HECA: variants seen among roughly 807,000 people sequenced by gnomAD.
HECA encodes headcase protein homolog.
HECA carries 13 observed loss-of-function variants against 37.6 expected under a neutral mutation model. The ratio of observed to expected loss-of-function variants is 0.35; its 90% CI spans 0.23 to 0.55. The LOEUF is 0.55. Ranked by LOEUF, HECA falls within the 20% of genes least tolerant of loss-of-function variation. The pLI is 0.90. For synonymous variants in HECA, 307 were observed against 291.5 expected (o/e 1.05, Z -0.54); for missense variants, 527 against 701.9 (o/e 0.75, Z 2.82).
chr6:139,145,222 A>G (rs1016984569), intron 1 of HECA, among the ~76,000 whole-genome samples: 18 of 152,268 alleles, frequency 1.2e-4, no homozygotes, highest in African/African-American at 4.3e-4. Flanking sequence ...GTGGTTAGCG[A>G]AATAGCAACT....
chr6:139,172,076 C>T (rs71560696), intron 2 of HECA, among the ~76,000 whole-genome samples: 4,501 of 152,228 alleles, frequency 0.03, 118 homozygotes, highest in Non-Finnish European at 0.043. Flanking sequence ...GGTGATCTAC[C>T]CGCCTTGGCC....
chr6:139,147,104 A>G (rs969941034), intron 1 of HECA, among the ~76,000 whole-genome samples: 2 of 152,192 alleles, frequency 1.3e-5, no homozygotes, highest in Non-Finnish European at 2.9e-5. Flanking sequence ...ACTAAGCTTC[A>G]GAGATGGCCT....
chr6:139,152,004 C>G (rs941765183), intron 1 of HECA, among the ~76,000 whole-genome samples: 1 of 152,196 alleles, frequency 6.6e-6, no homozygotes, highest in African/African-American at 2.4e-5. Context: ...TATGTGGAAT[C>G]TGGACTAAAG....
At chr6:139,171,405 A>G (rs1405341932) in intron 2 of HECA, among the ~76,000 whole-genome samples, 2 of 152,230 alleles carry the variant, frequency 1.3e-5, no homozygotes, top group Non-Finnish European at 2.9e-5. Context: ...TGTGCCCACA[A>G]AGATACTGAG....
At chr6:139,171,513 A>G (rs1774972709) in intron 2 of HECA, among the ~76,000 whole-genome samples, 1 of 152,252 alleles carries the variant, frequency 6.6e-6, no homozygotes, top group Admixed American at 6.5e-5. Context: ...ACATATCAGC[A>G]TTTTTATTGC....
intron 2 of HECA, among the ~76,000 whole-genome samples, chr6:139,169,356 T>C (rs1774938934): frequency 6.6e-6 from 1 of 152,088 alleles, no homozygotes; most frequent in Non-Finnish European, 1.5e-5. Flanking sequence ...CTTTTTATTT[T>C]GGTGTTTTTA....
intron 1 of HECA, among the ~76,000 whole-genome samples, chr6:139,158,654 G>C (rs1466456339): frequency 1.4e-5 from 2 of 140,866 alleles, no homozygotes; most frequent in African/African-American, 5.4e-5. Flanking sequence ...GTGAGCAACA[G>C]AGCAAGACCC....
chr6:139,174,432 G>T lies in HECA; in HGVS notation c.1360G>T (p.Val454Phe). ...YAVCVDCLEG[V>F]HKIICIKCKS... Reference sequence around the variant, plus strand: ...CGTGTGCGTGGACTGCCTGGAAGGGGTTCACAAGATCATCTGCATCAAGTG... The same window carrying T: ...CGTGTGCGTGGACTGCCTGGAAGGGTTTCACAAGATCATCTGCATCAAGTG... Residue 454 changes from valine to phenylalanine, a missense_variant, in exon 3 of 4, where the codon GTT becomes TTT. This residue lies in a region of HECA where 106 missense variants were observed against 193.4 expected (regional missense o/e 0.55). Coordinates refer to ENST00000367658, the MANE Select transcript of HECA (RefSeq NM_016217.3). 6.2e-7 allele frequency: 1 copy of T among 1,614,052 alleles called. No homozygotes were observed. The highest frequency in any genetic ancestry group is 8.5e-7 in the Non-Finnish European group (1 of 1,180,004).
intron 1 of HECA, among the ~76,000 whole-genome samples, chr6:139,138,764 G>A (rs1028625438): frequency 1.3e-5 from 2 of 152,134 alleles, no homozygotes; most frequent in African/African-American, 4.8e-5. Flanking sequence ...ATATCATACC[G>A]CTAATAAGAC....
At chr6:139,144,057 T>C (rs1774550070) in intron 1 of HECA, 1 of 152,094 alleles carries the variant, frequency 6.6e-6, no homozygotes, top group Non-Finnish European at 1.5e-5. Flanking sequence ...GGATGTACTT[T>C]GGGGGATCAG....
Position 139,176,737 on chromosome 6 carries a change from A to C in HECA, c.1468-204A>C, listed in dbSNP as rs890283975. Among the ~76,000 whole-genome samples, 1 of 152,190 alleles carries C rather than the reference A, an allele frequency of 6.6e-6. No individual in the cohort carries two copies. The highest frequency in any genetic ancestry group is 1.9e-4 in the East Asian group (1 of 5,200). ...AGTAGTAGTTTAGAATTTTCTTCTC[A>C]TAAGTAGGTGAAACAGCTAGCAGTG... On this transcript the variant is annotated intron_variant, in intron 3 of 3. Transcript: ENST00000367658. This position sits in a 1 kb window ranked among gnomAD's most constrained non-coding sequence, Gnocchi z 4.5.
At chr6:139,141,039 C>T (rs1774507291) in intron 1 of HECA, among the ~76,000 whole-genome samples, 1 of 152,206 alleles carries the variant, frequency 6.6e-6, no homozygotes, top group Non-Finnish European at 1.5e-5. Context: ...ATCCGCCCAC[C>T]TCGGCCTCCC....
chr6:139,146,022 C>A (rs1437759514), intron 1 of HECA, among the ~76,000 whole-genome samples: 1 of 121,146 alleles, frequency 8.3e-6, no homozygotes, highest in Non-Finnish European at 1.8e-5. Flanking sequence ...TATTCTGGAC[C>A]CCCTCACAAT....
At chr6:139,155,494 A>G (rs977753681) in intron 1 of HECA, 3 of 152,214 alleles carry the variant, frequency 2.0e-5, no homozygotes, top group Non-Finnish European at 4.4e-5. Flanking sequence ...TTCAGTTATA[A>G]TCTTATGGGA....
chr6:139,157,578 C>T (rs1424631070), intron 1 of HECA, among the ~76,000 whole-genome samples: 2 of 152,188 alleles, frequency 1.3e-5, no homozygotes, highest in Admixed American at 1.3e-4. Flanking sequence ...TTATGCATGC[C>T]ATACTGCTTT....
intron 1 of HECA, among the ~76,000 whole-genome samples, chr6:139,142,762 A>T (rs1479942484): frequency 6.6e-6 from 1 of 152,198 alleles, no homozygotes; most frequent in Non-Finnish European, 1.5e-5. Context: ...CCTGACCAAC[A>T]TGCTGAAACC....
rs1775102622 is a variant in HECA at position 139,179,399 on chromosome 6, AGTGTAGT to A, written c.*2297_*2303del. ...AGCTCCTGAATTTAGAACTGCCGTC[AGTGTAGT>A]GTATGCTGTGTTCCATGTTGCCTTT... On this transcript the variant is annotated 3_prime_UTR_variant, in exon 4 of 4. Coordinates refer to ENST00000367658, the MANE Select transcript of HECA (RefSeq NM_016217.3). 6.6e-6 allele frequency: 1 copy of A among 152,218 alleles called. No homozygotes were observed. The highest frequency in any genetic ancestry group is 1.5e-5 in the Non-Finnish European group (1 of 68,032). The allele number at this position is 152,218 out of a possible 1,614,324, so 9.4% of individuals were successfully genotyped here. A position where few individuals can be genotyped will look rare whatever the true frequency, so the allele number is the denominator to read the frequency against.
chr6:139,144,322 G>A (rs1416671597), intron 1 of HECA: 1 of 152,252 alleles, frequency 6.6e-6, no homozygotes, highest in Non-Finnish European at 1.5e-5. Flanking sequence ...CTGGCAGAGA[G>A]ACATGGAAAC....
At chr6:139,154,957 T>C (rs1028286410) in intron 1 of HECA, among the ~76,000 whole-genome samples, 13 of 152,214 alleles carry the variant, frequency 8.5e-5, no homozygotes, top group Admixed American at 7.2e-4. Flanking sequence ...TCTTTAAAAA[T>C]AGGATTGTTT....
Sources: gnomAD v4.1 joint callset for allele counts (sites outside exome capture counted in the v4.1 genomes callset) on GRCh38, gnomAD v4.1.1 for gene constraint, gnomAD v4.1.1 regional missense constraint, Gnocchi (gnomAD v3.1) non-coding constraint, MANE v1.5 for transcripts, NCBI Gene and HGNC (gene_info 2026-07-23, HGNC 2026-07-21) for gene names.